COL23A1: variants seen among roughly 807,000 people sequenced by gnomAD.
COL23A1 encodes collagen alpha-1(XXIII) chain.
Under a neutral mutation model 99.3 loss-of-function variants are expected in COL23A1, and 97 were observed. The observed-to-expected ratio is 0.98, with a 90% CI of 0.83 to 1.16. The LOEUF (loss-of-function observed/expected upper bound fraction) is 1.16. COL23A1 is among the 50% of genes most tolerant of loss of function. The pLI is 0.00. For synonymous variants in COL23A1, 320 were observed against 308.2 expected (o/e 1.04, Z -0.40); for missense variants, 762 against 757.4 (o/e 1.01, Z -0.07).
intron 2 of COL23A1, among the ~76,000 whole-genome samples, chr5:178,424,866 C>CTG: frequency 6.6e-6 from 1 of 152,188 alleles, no homozygotes; most frequent in Non-Finnish European, 1.5e-5. Flanking sequence ...AAATACCACA[C>CTG]AGAGGGGGTT....
In COL23A1 at chr5:178,324,152, G is replaced by A. The variant is rs1316296319; in HGVS notation, c.362-17233C>T. On this transcript the variant is annotated intron_variant, in intron 2 of 28. Transcript: ENST00000390654. ...TGGGCTGAGGCCCTTTTGGGGGCAC[G>A]AGGGCTGGGGTTACTCTGGAAGGTG... Among the ~76,000 whole-genome samples the A allele has an allele frequency of 6.0e-5, 9 of 149,862 alleles. No individual in the cohort carries two copies. In the South Asian group the frequency reaches 6.4e-4, roughly 11 times the overall value.
intron 2 of COL23A1, among the ~76,000 whole-genome samples, chr5:178,413,263 C>T (rs1765140805): frequency 6.6e-6 from 1 of 152,156 alleles, no homozygotes; most frequent in Admixed American, 6.6e-5. Context: ...GGCTATTTTG[C>T]TTTTGGATAA....
At chr5:178,569,925 C>T (rs2113642618) in intron 1 of COL23A1, among the ~76,000 whole-genome samples, 1 of 152,212 alleles carries the variant, frequency 6.6e-6, no homozygotes, top group South Asian at 2.1e-4. Context: ...TGAATAATCT[C>T]CTTTTTCACT....
chr5:178,578,274 CACAT>C (rs1340492165), intron 1 of COL23A1, among the ~76,000 whole-genome samples: 5 of 152,160 alleles, frequency 3.3e-5, no homozygotes, highest in Admixed American at 1.3e-4. Flanking sequence ...CATGTACACA[CACAT>C]GCATGCATTC....
intron 2 of COL23A1, chr5:178,345,391 C>A (rs147508274): frequency 2.4e-6 from 1 of 412,634 alleles, no homozygotes; most frequent in Non-Finnish European, 4.6e-6. Context: ...TGAAACTTCA[C>A]CATGTGAAAT....
intron 5 of COL23A1, among the ~76,000 whole-genome samples, chr5:178,272,150 C>A (rs889750219): frequency 5.9e-5 from 9 of 152,216 alleles, no homozygotes; most frequent in Non-Finnish European, 1.3e-4. Flanking sequence ...GAGTGCCTTC[C>A]CTGCGTTTCC....
At chr5:178,327,836 C>G (rs539089339) in intron 2 of COL23A1, among the ~76,000 whole-genome samples, 1 of 152,148 alleles carries the variant, frequency 6.6e-6, no homozygotes, top group Non-Finnish European at 1.5e-5. Context: ...ACTCTCCCTG[C>G]GCCCCACACA....
chr5:178,351,617 C>T (rs926162782), intron 2 of COL23A1, among the ~76,000 whole-genome samples: 10 of 152,094 alleles, frequency 6.6e-5, no homozygotes, highest in African/African-American at 2.2e-4. Flanking sequence ...GAGGTAGCAG[C>T]GCAGGCCGGG....
intron 2 of COL23A1, among the ~76,000 whole-genome samples, chr5:178,406,651 A>G (rs761266232): frequency 6.6e-6 from 1 of 151,930 alleles, no homozygotes; most frequent in Non-Finnish European, 1.5e-5. Context: ...GCTAGTCTTG[A>G]ACTCCTGACC....
chr5:178,381,834 C>T (rs1350686979), intron 2 of COL23A1, among the ~76,000 whole-genome samples: 2 of 152,204 alleles, frequency 1.3e-5, no homozygotes, highest in African/African-American at 4.8e-5. Flanking sequence ...TGGGATTTCC[C>T]TCTATTGCCC....
In COL23A1 at chr5:178,306,743, G is replaced by C. The variant is rs1019608225; in HGVS notation, c.406+132C>G. ...AGGAAACGGCAGCTGGACTTGGAAG[G>C]GGGAGGAGCACCTGCCCAGGACCAA... On this transcript the variant is annotated intron_variant, in intron 3 of 28. Transcript: ENST00000390654. This position sits in a 1 kb window ranked among gnomAD's most constrained non-coding sequence, Gnocchi z 4.1. The C allele has an allele frequency of 5.3e-6, 3 of 562,852 alleles. No homozygotes were observed. Among genetic ancestry groups the C allele is most frequent in the Non-Finnish European group, 8.8e-6 (3 of 340,136 alleles). 34.9% of individuals were successfully genotyped at this position (562,852 alleles called of 1,614,324 possible).
chr5:178,290,446 C>T (rs1395489674), intron 3 of COL23A1, 77 bp from the exon 4 acceptor site: 4 of 1,590,892 alleles, frequency 2.5e-6, no homozygotes, highest in Non-Finnish European at 3.5e-6. Flanking sequence ...ACGGTCCCCT[C>T]ACCTGTCCTC....
intron 2 of COL23A1, among the ~76,000 whole-genome samples, chr5:178,326,077 G>A (rs1759635311): frequency 6.6e-6 from 1 of 152,194 alleles, no homozygotes; most frequent in Non-Finnish European, 1.5e-5. Flanking sequence ...ATGTGTGTGG[G>A]AGACAGGCCC....
Position 178,306,825 on chromosome 5 carries a change from A to G in COL23A1, c.406+50T>C. 7.2e-7 allele frequency: 1 copy of G among 1,379,434 alleles called. No individual in the cohort carries two copies. The highest frequency in any genetic ancestry group is 9.6e-7 in the Non-Finnish European group (1 of 1,044,752). The allele number at this position is 1,379,434 out of a possible 1,614,324, so 85.4% of individuals were successfully genotyped here. On this transcript the variant is annotated intron_variant, in intron 3 of 28. Coordinates refer to ENST00000390654, the MANE Select transcript of COL23A1 (RefSeq NM_173465.4). The surrounding 1 kb of genome is among the most constrained non-coding windows in gnomAD (Gnocchi z 4.1). ...GGCCCTGCAGTCAGAGCCTGGGGCCATGGTGGCTTCCAAGCCTTGGCTTAG... is the reference window on the plus strand; with the variant it reads ...GGCCCTGCAGTCAGAGCCTGGGGCCGTGGTGGCTTCCAAGCCTTGGCTTAG...
chr5:178,548,609 G>A (rs1180182620), intron 2 of COL23A1, among the ~76,000 whole-genome samples: 11 of 149,578 alleles, frequency 7.4e-5, no homozygotes, highest in Non-Finnish European at 1.3e-4. Context: ...CTGGAGTGCA[G>A]TGGCGCAATC....
chr5:178,322,483 CATCCCAAAGGCCA>C (rs1008112348), intron 2 of COL23A1, among the ~76,000 whole-genome samples: 12 of 152,158 alleles, frequency 7.9e-5, no homozygotes, highest in Non-Finnish European at 1.8e-4. Context: ...GAATCCCTAC[CATCCCAAAGGCCA>C]TTTCCCAAAG....
Position 178,265,371 on chromosome 5 carries a change from T to G in COL23A1, c.522+1936A>C, listed in dbSNP as rs572132840. ...GTGGCGGGTGATTCCTGTTTTAATTTGCACTGAAGCAGGAAGAATTTGAAG... is the reference window on the plus strand; with the variant it reads ...GTGGCGGGTGATTCCTGTTTTAATTGGCACTGAAGCAGGAAGAATTTGAAG... On this transcript the variant is annotated intron_variant, in intron 8 of 28. Coordinates refer to ENST00000390654, the MANE Select transcript of COL23A1 (RefSeq NM_173465.4). 5.9e-5 allele frequency among the ~76,000 whole-genome samples: 9 copies of G among 152,278 alleles called. No homozygotes were observed. The East Asian group carries it at 1.5e-3, about 26-fold the overall frequency.
chr5:178,359,199 C>A (rs1762043898), intron 2 of COL23A1, among the ~76,000 whole-genome samples: 1 of 152,194 alleles, frequency 6.6e-6, no homozygotes, highest in African/African-American at 2.4e-5. Context: ...CACCAACACC[C>A]CACTTCTGGG....
At chr5:178,290,604 C>G (rs1476824453) in intron 3 of COL23A1, among the ~76,000 whole-genome samples, 1 of 152,212 alleles carries the variant, frequency 6.6e-6, no homozygotes, top group Non-Finnish European at 1.5e-5. Flanking sequence ...TGACAGTTCC[C>G]ACATGCATGG....
Sources: allele counts gnomAD v4.1 joint callset (sites outside exome capture counted in the v4.1 genomes callset), GRCh38; gene constraint gnomAD v4.1.1; non-coding constraint Gnocchi (gnomAD v3.1); transcripts MANE v1.5; gene names NCBI Gene and HGNC (gene_info 2026-07-23, HGNC 2026-07-21).